The following CD3G variants were observed in gnomAD, a reference collection of about 807,000 sequenced individuals.
CD3G encodes CD3 gamma subunit of T-cell receptor complex, also known as T-cell surface glycoprotein CD3 gamma chain.
In CD3G, 24 loss-of-function variants were observed where a neutral mutation model predicts 28.3. The ratio of observed to expected loss-of-function variants is 0.85; its 90% CI spans 0.61 to 1.19. The LOEUF is 1.19. Ranked by LOEUF, CD3G falls within the 50% of genes most tolerant of loss-of-function variation. The probability of loss-of-function intolerance (pLI) is 0.00; values close to 1 mark genes in which losing one functional copy is unlikely to be tolerated. For synonymous variants in CD3G, 71 were observed against 75.9 expected (o/e 0.93, Z 0.34); for missense variants, 211 against 210.0 (o/e 1.00, Z -0.03).
intron 1 of CD3G, among the ~76,000 whole-genome samples, chr11:118,346,989 T>A (rs1168612128): frequency 2.0e-5 from 3 of 152,202 alleles, no homozygotes; most frequent in Non-Finnish European, 4.4e-5. Context: ...TCCCATTTGC[T>A]CATTTATTCA....
intron 1 of CD3G, among the ~76,000 whole-genome samples, chr11:118,346,294 G>A (rs1309011357): frequency 1.3e-5 from 2 of 152,066 alleles, no homozygotes; most frequent in Non-Finnish European, 2.9e-5. Flanking sequence ...AAAATTAGTG[G>A]GGTGTGGTGG....
intron 1 of CD3G, among the ~76,000 whole-genome samples, chr11:118,344,722 G>A (rs941036838): frequency 2.0e-5 from 3 of 152,234 alleles, no homozygotes; most frequent in African/African-American, 4.8e-5. Flanking sequence ...CTGAAGAGAG[G>A]ACCCTGTTAC....
chr11:118,350,745 A>G (rs1948400291), intron 4 of CD3G, 62 bp downstream of exon 4: 11 of 1,611,946 alleles, frequency 6.8e-6, no homozygotes, highest in Admixed American at 1.7e-5. Context: ...TCCTCCTACC[A>G]TTATGTACCC....
At chr11:118,350,889 G>GGAAAAAAAAAAAAAAAA (rs1555121622) in intron 4 of CD3G, 2 of 523,510 alleles carry the variant, frequency 3.8e-6, no homozygotes, top group East Asian at 1.5e-4. Flanking sequence ...CTCCCTCTGT[G>GGAAAAAAAAAAAAAAAA]AAAAAAAAAA....
intron 1 of CD3G, among the ~76,000 whole-genome samples, chr11:118,345,692 G>C (rs1446249667): frequency 6.6e-6 from 1 of 152,104 alleles, no homozygotes; most frequent in Non-Finnish European, 1.5e-5. Flanking sequence ...TCAAGAGTGG[G>C]GTCAAGAGCA....
At chr11:118,347,418 T>C (rs1386797684) in intron 1 of CD3G, among the ~76,000 whole-genome samples, 4 of 152,236 alleles carry the variant, frequency 2.6e-5, no homozygotes, top group Admixed American at 6.5e-5. Context: ...ATTGCATATA[T>C]GTTTTAATTT....
rs902703653 is a variant in CD3G at position 118,355,028 on chromosome 11, C to G, written c.*1928C>G. 4.6e-5 allele frequency: 7 copies of G among 152,112 alleles called. No homozygotes were observed. Among genetic ancestry groups the G allele is most frequent in the Non-Finnish European group, 8.8e-5 (6 of 68,006 alleles). The allele number at this position is 152,112 out of a possible 1,614,324, so 9.4% of individuals were successfully genotyped here. A position where few individuals can be genotyped will look rare whatever the true frequency, so the allele number is the denominator to read the frequency against. On this transcript the variant is annotated 3_prime_UTR_variant, in exon 7 of 7. Transcript: ENST00000532917. ...GTCTAATAAATCTTTACCAAACCCA[C>G]AGTTACAAAGATTTTCTCCTGTCTT...
rs1342932824 is a variant in CD3G at position 118,354,513 on chromosome 11, TA to T, written c.*1414del. On this transcript the variant is annotated 3_prime_UTR_variant, in exon 7 of 7. Transcript: ENST00000532917. ...TTTGTGTATCTAGTATTTGTGTACT[TA>T]GTAGAGACAGGGTTTCACCATGTTG... 6.6e-6 allele frequency: 1 copy of T among 151,398 alleles called. No homozygotes were observed. The highest frequency in any genetic ancestry group is 2.4e-5 in the African/African-American group (1 of 41,168). The allele number at this position is 151,398 out of a possible 1,614,324, so 9.4% of individuals were successfully genotyped here. A position where few individuals can be genotyped will look rare whatever the true frequency, so the allele number is the denominator to read the frequency against.
intron 1 of CD3G, 88 bp downstream of exon 1, chr11:118,344,566 A>G (rs573276460): frequency 8.9e-7 from 1 of 1,125,158 alleles, no homozygotes; most frequent in Non-Finnish European, 1.3e-6. Flanking sequence ...GGTATCCCTA[A>G]CCTTCAGCCT....
intron 3 of CD3G, chr11:118,350,197 A>T (rs1234437269): frequency 1.7e-6 from 1 of 588,744 alleles, no homozygotes; most frequent in Non-Finnish European, 3.0e-6. Context: ...GGTGGGCTCC[A>T]TGGATTCAAG....
intron 4 of CD3G, chr11:118,350,889 G>GAAACAAAAAAAAAAAAAAAAAAAAA (rs1948402069): frequency 1.9e-6 from 1 of 523,510 alleles, no homozygotes. Flanking sequence ...CTCCCTCTGT[G>GAAACAAAAAAAAAAAAAAAAAAAAA]AAAAAAAAAA....
chr11:118,348,800 A>G (rs561618272), intron 1 of CD3G, among the ~76,000 whole-genome samples: 90 of 152,344 alleles, frequency 5.9e-4, no homozygotes, highest in African/African-American at 2.0e-3. Context: ...CAACGGTTAG[A>G]AACACCCTCC....
chr11:118,351,059 G>T (rs960928031), intron 4 of CD3G: 3 of 296,072 alleles, frequency 1.0e-5, no homozygotes, highest in African/African-American at 6.7e-5. Context: ...GTGGTGGCGG[G>T]TGCCTGTAGT....
chr11:118,346,745 T>C (rs1948360314), intron 1 of CD3G, among the ~76,000 whole-genome samples: 2 of 144,354 alleles, frequency 1.4e-5, no homozygotes, highest in Non-Finnish European at 3.0e-5. Context: ...CCCAGGAGCT[T>C]GAGGCTGCAG....
chr11:118,349,576 C>A, intron 2 of CD3G, 167 bp from the exon 3 acceptor site: 1 of 680,464 alleles, frequency 1.5e-6, no homozygotes, highest in East Asian at 2.7e-5. Context: ...AGAATCTCCC[C>A]TCCCCAGAAC....
intron 2 of CD3G, chr11:118,349,446 C>T: frequency 3.0e-6 from 2 of 660,910 alleles, no homozygotes; most frequent in Admixed American, 6.3e-5. Context: ...TGTATAGTAT[C>T]TTCCAAATAA....
intron 4 of CD3G, chr11:118,350,974 G>T: frequency 1.3e-6 from 1 of 767,692 alleles, no homozygotes; most frequent in Non-Finnish European, 1.8e-6. Context: ...AGATCACGAG[G>T]TCAGGAGATC....
rs200685479 is a variant in CD3G, at chr11:118,352,441, T to C, written c.521T>C (p.Leu174Pro). 2.5e-5 allele frequency: 41 copies of C among 1,614,002 alleles called. No homozygotes were observed. Among genetic ancestry groups the C allele is most frequent in the Non-Finnish European group, 3.1e-5 (37 of 1,179,992 alleles). ...CGAGAAGATGACCAGTACAGCCACC[T>C]TCAAGGAAACCAGTTGAGGAGGAAT... is the stretch of plus-strand genomic sequence containing the variant. ...KDREDDQYSHLQGNQLRRN is the reference protein window; with the variant it reads ...KDREDDQYSHPQGNQLRRN The change falls in exon 6 of 7, where the codon CTT becomes CCT. Residue 174 changes from leucine to proline, a missense_variant. Coordinates refer to ENST00000532917, the MANE Select transcript of CD3G (RefSeq NM_000073.3).
In CD3G at chr11:118,352,477, A is replaced by G; in HGVS notation, c.*8A>G. 1 of 1,611,626 alleles carries G rather than the reference A, an allele frequency of 6.2e-7. No homozygotes were observed. On this transcript the variant is annotated 3_prime_UTR_variant, in exon 6 of 7. Coordinates refer to ENST00000532917, the MANE Select transcript of CD3G (RefSeq NM_000073.3). ...CAGTTGAGGAGGAATTGAACTCAGG[A>G]CTCAGAGTAGGTGGGTTCTTCAATG...
Sources: allele counts gnomAD v4.1 joint callset (sites outside exome capture counted in the v4.1 genomes callset), GRCh38; gene constraint gnomAD v4.1.1; transcripts MANE v1.5; gene names NCBI Gene and HGNC (gene_info 2026-07-23, HGNC 2026-07-21).